MCOLN2: variants seen among roughly 807,000 people sequenced by gnomAD.
MCOLN2 encodes the protein mucolipin TRP cation channel 2.
MCOLN2 carries 57 observed loss-of-function variants against 67.5 expected under a neutral mutation model. The ratio of observed to expected loss-of-function variants is 0.84; its 90% CI spans 0.68 to 1.05. The LOEUF is 1.05. Ranked by LOEUF, MCOLN2 falls within the 50% of genes least tolerant of loss-of-function variation. The pLI is 0.00. For missense variants in MCOLN2, 620 were observed against 678.8 expected, an observed-to-expected ratio of 0.91 and a Z score of 0.96; for synonymous variants, 246 against 233.3, an observed-to-expected ratio of 1.05 and a Z score of -0.50.
At chr1:84,948,159 G>A (rs956249739) in intron 6 of MCOLN2, among the ~76,000 whole-genome samples, 1 of 152,198 alleles carries the variant, frequency 6.6e-6, no homozygotes, top group Admixed American at 6.5e-5. Flanking sequence ...CAACCAGCTG[G>A]GCAGCAATTG....
chr1:84,926,703 G>A lies in MCOLN2; in HGVS notation c.1683C>T (p.His561=). Residue 561 remains histidine (H), a synonymous_variant, in exon 14 of 14, where the codon CAC becomes CAT. Transcript: ENST00000370608. ...CCRRRKRSDD[H]LIPIS is the part of the protein sequence containing the mutation. ...CAGAACTTTAGCTAATAGGTATCAA[G>A]TGATCATCACTTCTTTTCCTGTAAC... The A allele has an allele frequency of 6.3e-7, 1 of 1,597,094 alleles. No individual in the cohort carries two copies. The highest frequency in any genetic ancestry group is 8.6e-7 in the Non-Finnish European group (1 of 1,169,562).
chr1:84,948,700 T>C (rs1648245356), intron 6 of MCOLN2, among the ~76,000 whole-genome samples: 1 of 152,224 alleles, frequency 6.6e-6, no homozygotes, highest in Non-Finnish European at 1.5e-5. Flanking sequence ...ACATAATTTA[T>C]GATTTGATTG....
chr1:84,956,154 GA>G (rs10666635), intron 4 of MCOLN2, among the ~76,000 whole-genome samples: 7 of 149,308 alleles, frequency 4.7e-5, no homozygotes, highest in Non-Finnish European at 7.4e-5. Flanking sequence ...CCTTCATAGG[GA>G]AAAAAAAACA....
intron 2 of MCOLN2, among the ~76,000 whole-genome samples, chr1:84,961,013 A>T: frequency 6.6e-6 from 1 of 152,352 alleles, no homozygotes; most frequent in East Asian, 1.9e-4. Context: ...CTGCAAGGAC[A>T]GGAATGTTTT....
In MCOLN2 at chr1:84,940,871, A is replaced by C; in HGVS notation, c.960+8T>G. Reference sequence around the variant, plus strand: ...GAGGGCAGGAAGAGAATGCGAACACACTCTTACCTTCCGTAACCTTAGAGC... The same window carrying C: ...GAGGGCAGGAAGAGAATGCGAACACCCTCTTACCTTCCGTAACCTTAGAGC... On this transcript the variant is annotated splice_region_variant and intron_variant, in intron 8 of 13. Coordinates refer to ENST00000370608, the MANE Select transcript of MCOLN2 (RefSeq NM_153259.4). The C allele has an allele frequency of 6.3e-7, 1 of 1,591,572 alleles. No individual in the cohort carries two copies. The highest frequency in any genetic ancestry group is 8.6e-7 in the Non-Finnish European group (1 of 1,162,208).
chr1:84,957,378 C>T (rs899667793), intron 3 of MCOLN2, among the ~76,000 whole-genome samples: 2 of 152,196 alleles, frequency 1.3e-5, no homozygotes, highest in Non-Finnish European at 2.9e-5. Context: ...GCTTTACTAG[C>T]TCTGTCTTCA....
Position 84,940,889 on chromosome 1 carries a change from C to CT in MCOLN2, c.949dup (p.Arg317LysfsTer20). 1 of 1,611,740 alleles carries CT rather than the reference C, an allele frequency of 6.2e-7. No individual in the cohort carries two copies. Among genetic ancestry groups the CT allele is most frequent in the Non-Finnish European group, 8.5e-7 (1 of 1,178,584 alleles). Reference sequence around the variant, plus strand: ...CGAACACACTCTTACCTTCCGTAACCTTAGAGCAAGAACAATGGATCTTGT... The same window carrying CT: ...CGAACACACTCTTACCTTCCGTAACCTTTAGAGCAAGAACAATGGATCTTGT... On this transcript the variant is annotated frameshift_variant, in exon 8 of 14. Transcript: ENST00000370608. LOFTEE classifies it high-confidence loss of function.
chr1:84,972,277 T>A (rs1294863930), intron 1 of MCOLN2, among the ~76,000 whole-genome samples: 1 of 152,214 alleles, frequency 6.6e-6, no homozygotes, highest in African/African-American at 2.4e-5. Flanking sequence ...AGGGCTGTCA[T>A]GCAATTGAAA....
intron 1 of MCOLN2, among the ~76,000 whole-genome samples, chr1:84,974,079 C>T (rs1454213028): frequency 1.3e-5 from 2 of 152,158 alleles, no homozygotes; most frequent in Admixed American, 1.3e-4. Context: ...GATGCCCACC[C>T]ACGGAGGGAA....
intron 1 of MCOLN2, among the ~76,000 whole-genome samples, chr1:84,990,297 CAAAAAAAAAAAA>C (rs34226507): frequency 2.3e-4 from 8 of 34,958 alleles, no homozygotes; most frequent in African/African-American, 7.7e-4. Flanking sequence ...GACTCCATCT[CAAAAAAAAAAAA>C]AAAAAAAAAA....
Position 84,956,718 on chromosome 1 carries a change from A to G in MCOLN2, c.412-134T>C, listed in dbSNP as rs917695519. 2.2e-5 allele frequency: 15 copies of G among 690,446 alleles called. No individual in the cohort carries two copies. In the African/African-American group the frequency reaches 2.8e-4, roughly 13 times the overall value. 42.8% of individuals were successfully genotyped at this position (690,446 alleles called of 1,614,324 possible). A position where few individuals can be genotyped will look rare whatever the true frequency, so the allele number is the denominator to read the frequency against. On this transcript the variant is annotated intron_variant, in intron 3 of 13. Transcript: ENST00000370608. The stretch of plus-strand genomic sequence containing the variant: ...GCTCTCAATAGAACTTCCCAATTTA[A>G]AATACTACAAAGAAATCTTCTCAGT...
Position 84,937,592 on chromosome 1 carries a change from T to A in MCOLN2, c.1335+163A>T, listed in dbSNP as rs1032573821. 212 of 1,407,762 alleles carry A rather than the reference T, an allele frequency of 1.5e-4. 1 individual carries two copies. The highest frequency in any genetic ancestry group is 2.4e-4 in the Middle Eastern group (1 of 4,146). The allele number at this position is 1,407,762 out of a possible 1,614,324, so 87.2% of individuals were successfully genotyped here. A position where few individuals can be genotyped will look rare whatever the true frequency, so the allele number is the denominator to read the frequency against. ...TCAATATCCTGTAGTCACTTCTATATCCTGAAAAGGAAAAAAAGAAAAAGA... is the reference window on the plus strand; with the variant it reads ...TCAATATCCTGTAGTCACTTCTATAACCTGAAAAGGAAAAAAAGAAAAAGA... On this transcript the variant is annotated intron_variant, in intron 11 of 13. Transcript: ENST00000370608.
At chr1:84,991,401 G>A (rs768143259) in intron 1 of MCOLN2, among the ~76,000 whole-genome samples, 24 of 152,024 alleles carry the variant, frequency 1.6e-4, no homozygotes, top group Non-Finnish European at 2.5e-4. Context: ...AAATTTTCTC[G>A]TGATCTGCTA....
chr1:84,976,029 C>T (rs1231487227), intron 1 of MCOLN2, among the ~76,000 whole-genome samples: 1 of 151,918 alleles, frequency 6.6e-6, no homozygotes, highest in Non-Finnish European at 1.5e-5. Flanking sequence ...AGCATGCCTA[C>T]AGGATCCAGG....
chr1:84,946,017 G>C (rs1648084174), intron 7 of MCOLN2, among the ~76,000 whole-genome samples: 1 of 152,142 alleles, frequency 6.6e-6, no homozygotes, highest in Non-Finnish European at 1.5e-5. Context: ...CCAAAGTGCT[G>C]GGATTACAGG....
chr1:84,973,042 G>A (rs573727830), intron 1 of MCOLN2, among the ~76,000 whole-genome samples: 3 of 152,172 alleles, frequency 2.0e-5, no homozygotes, highest in Non-Finnish European at 4.4e-5. Context: ...AAGGACGTAT[G>A]CAAGACCATT....
chr1:84,987,515 T>TAG lies in MCOLN2; in HGVS notation c.77+9280_77+9281insCT, dbSNP rs1650625967. Reference sequence around the variant, plus strand: ...ATATGTATACATAGATGTATACATATGTATATATGTATACATCTATGTATA... The same window carrying TAG: ...ATATGTATACATAGATGTATACATATAGGTATATATGTATACATCTATGTATA... On this transcript the variant is annotated intron_variant, in intron 1 of 13. Transcript: ENST00000370608. 3.8e-4 allele frequency among the ~76,000 whole-genome samples: 11 copies of TAG among 29,198 alleles called. 2 individuals are homozygous for TAG. The highest frequency in any genetic ancestry group is 7.4e-4 in the African/African-American group (7 of 9,476). The allele number at this position is 29,198 out of a possible 152,430, so 19.2% of individuals were successfully genotyped here.
intron 11 of MCOLN2, among the ~76,000 whole-genome samples, chr1:84,933,297 G>A (rs368883955): frequency 2.6e-5 from 4 of 152,002 alleles, no homozygotes; most frequent in East Asian, 1.9e-4. Context: ...TACAAACACC[G>A]TGCCTTACAC....
chr1:84,939,950 A>G (rs1279554923), intron 8 of MCOLN2, among the ~76,000 whole-genome samples: 1 of 152,186 alleles, frequency 6.6e-6, no homozygotes, highest in Admixed American at 6.5e-5. Context: ...TTCTTGTCAT[A>G]GCTAACACAC....
Sources: gnomAD v4.1 joint callset for allele counts (sites outside exome capture counted in the v4.1 genomes callset) on GRCh38, gnomAD v4.1.1 for gene constraint, MANE v1.5 for transcripts, NCBI Gene and HGNC (gene_info 2026-07-23, HGNC 2026-07-21) for gene names.